Variants in MARCHF10 observed in about 807,000 individuals in gnomAD.
The protein encoded by MARCHF10 is probable E3 ubiquitin-protein ligase MARCHF10.
In MARCHF10, 64 loss-of-function variants were observed where a neutral mutation model predicts 76.2. That is an observed-to-expected ratio of 0.84 (90% confidence interval 0.69 to 1.03). The LOEUF (loss-of-function observed/expected upper bound fraction) is 1.03, where lower values mean the gene tolerates loss of function less well. Ranked by LOEUF, MARCHF10 falls within the 50% of genes least tolerant of loss-of-function variation. The pLI is 0.00. For missense variants in MARCHF10, 875 were observed against 958.0 expected (o/e 0.91, Z 1.14); for synonymous variants, 340 against 357.5 (o/e 0.95, Z 0.55).
intron 5 of MARCHF10, among the ~76,000 whole-genome samples, chr17:62,743,004 A>T (rs1052907165): frequency 2.0e-5 from 3 of 152,244 alleles, no homozygotes; most frequent in Non-Finnish European, 2.9e-5. Context: ...TAAAAAGTTC[A>T]GTGCCCACTG....
chr17:62,746,062 T>C (rs971521103), intron 4 of MARCHF10, among the ~76,000 whole-genome samples: 16 of 152,252 alleles, frequency 1.1e-4, no homozygotes, highest in Admixed American at 2.0e-4. Context: ...ACTGGAGTCA[T>C]GTTCCAGAGT....
Position 62,736,225 on chromosome 17 carries a change from G to A in MARCHF10, c.1643C>T (p.Thr548Ile). ...AGCCCCCTGAGGCTGGCTTGTTAAAGTAGTATCTTCTGCTTCCCTGACAGC... is the reference window on the plus strand; with the variant it reads ...AGCCCCCTGAGGCTGGCTTGTTAAAATAGTATCTTCTGCTTCCCTGACAGC... The part of the protein sequence containing the change: ...EFAVREAEDT[T>I]LTSQPQGAPL... Residue 548 changes from threonine to isoleucine, a missense_variant, in exon 6 of 11, where the codon ACT becomes ATT. Coordinates refer to ENST00000311269, the MANE Select transcript of MARCHF10 (RefSeq NM_152598.4). 1.9e-6 allele frequency: 3 copies of A among 1,614,222 alleles called. No individual in the cohort carries two copies. The highest frequency in any genetic ancestry group is 2.2e-5 in the East Asian group (1 of 44,888).
At chr17:62,710,246 G>A (rs1291365672) in intron 9 of MARCHF10, among the ~76,000 whole-genome samples, 1 of 152,142 alleles carries the variant, frequency 6.6e-6, no homozygotes, top group Non-Finnish European at 1.5e-5. Flanking sequence ...GCAATAAAAA[G>A]TTCATTAAAA....
rs551885410 is a variant in MARCHF10 at position 62,726,511 on chromosome 17, C to T, written c.1938-1407G>A. On this transcript the variant is annotated intron_variant, in intron 6 of 10. Coordinates refer to ENST00000311269, the MANE Select transcript of MARCHF10 (RefSeq NM_152598.4). ...CATTTCAACATAATTTCCATATTTT[C>T]GTAAGTAATCAGGAAGAACATGTGT... Among the ~76,000 whole-genome samples the T allele has an allele frequency of 1.4e-4, 21 of 152,306 alleles. No individual in the cohort carries two copies. The South Asian group carries it at 2.9e-3, about 21-fold the overall frequency.
chr17:62,705,066 A>G, intron 10 of MARCHF10: 26 of 1,021,636 alleles, frequency 2.5e-5, no homozygotes, highest in Non-Finnish European at 2.9e-5. Flanking sequence ...GCTTTGTTCA[A>G]CCTCTGAATT....
chr17:62,719,996 G>A (rs1468590678), intron 8 of MARCHF10, among the ~76,000 whole-genome samples: 1 of 152,138 alleles, frequency 6.6e-6, no homozygotes, highest in African/African-American at 2.4e-5. Context: ...TCATTTGTTA[G>A]AGTTTTTCAC....
At position 62,718,003 on chromosome 17, in the gene MARCHF10, T is replaced by C. The variant is rs1404492818; in HGVS notation, c.2214+4485A>G. ...CACTGATGGACTCTAGGCCAGTCAT[T>C]GGTGCACGTAGCTTTCTCCCCTGAG... On this transcript the variant is annotated intron_variant, in intron 8 of 10. Transcript: ENST00000311269. 2.0e-5 allele frequency among the ~76,000 whole-genome samples: 3 copies of C among 152,142 alleles called. No individual in the cohort carries two copies. In the East Asian group the frequency reaches 5.8e-4, roughly 29 times the overall value.
intron 1 of MARCHF10, among the ~76,000 whole-genome samples, chr17:62,802,377 G>A (rs375777053): frequency 4.5e-4 from 69 of 151,974 alleles, no homozygotes; most frequent in African/African-American, 1.6e-3. Flanking sequence ...CTGCCACCAC[G>A]CCTGGCTAAT....
At chr17:62,764,596 C>T (rs560464957) in intron 3 of MARCHF10, among the ~76,000 whole-genome samples, 2 of 127,644 alleles carry the variant, frequency 1.6e-5, no homozygotes, top group South Asian at 2.9e-4. Flanking sequence ...GATCAAGGGA[C>T]TGTGTGTGCC....
intron 3 of MARCHF10, among the ~76,000 whole-genome samples, chr17:62,787,748 GGATAGATAGATA>G (rs539550748): frequency 2.0e-5 from 3 of 151,492 alleles, no homozygotes; most frequent in Non-Finnish European, 2.9e-5. Flanking sequence ...AAAGATGGAT[GGATAGATAGATA>G]GATAGATAGA....
intron 8 of MARCHF10, among the ~76,000 whole-genome samples, chr17:62,717,311 G>C (rs930268341): frequency 1.3e-5 from 2 of 152,230 alleles, no homozygotes; most frequent in African/African-American, 4.8e-5. Flanking sequence ...CCCACAGGGC[G>C]GGCCTGGCAG....
chr17:62,773,909 G>A (rs1568190813), intron 3 of MARCHF10, among the ~76,000 whole-genome samples: 1 of 152,200 alleles, frequency 6.6e-6, no homozygotes, highest in Non-Finnish European at 1.5e-5. Flanking sequence ...GTGGTCAGTG[G>A]CCTGGATATG....
At chr17:62,766,514 A>G (rs2092335996) in intron 3 of MARCHF10, among the ~76,000 whole-genome samples, 1 of 152,186 alleles carries the variant, frequency 6.6e-6, no homozygotes, top group Non-Finnish European at 1.5e-5. Context: ...AAAGAAAAGA[A>G]AAGAAAAAAA....
chr17:62,755,999 A>T (rs887261362), intron 4 of MARCHF10, among the ~76,000 whole-genome samples: 3 of 152,160 alleles, frequency 2.0e-5, no homozygotes, highest in Non-Finnish European at 4.4e-5. Context: ...CTGTAACCCC[A>T]GTACTCTGGG....
At chr17:62,793,993 C>T (rs1262204994) in intron 2 of MARCHF10, among the ~76,000 whole-genome samples, 1 of 151,514 alleles carries the variant, frequency 6.6e-6, no homozygotes, top group Non-Finnish European at 1.5e-5. Context: ...CCACCACCAC[C>T]ACCTCCATCA....
rs781601917 is a variant in MARCHF10 at position 62,737,028 on chromosome 17, C to A, written c.840G>T (p.Leu280Phe). The A allele has an allele frequency of 2.1e-4, 345 of 1,613,982 alleles. No homozygotes were observed. The highest frequency in any genetic ancestry group is 2.8e-4 in the Non-Finnish European group (336 of 1,180,036). ...RFRDEDFYSI[L>F]SLNSRRESDD... The stretch of plus-strand genomic sequence containing the variant: ...CGCTTTCTCTTCTGCTGTTCAATGA[C>A]AAAATGGAATAAAAGTCTTCATCTC... Residue 280 changes from leucine to phenylalanine, a missense_variant, in exon 6 of 11, where the codon TTG becomes TTT. Coordinates refer to ENST00000311269, the MANE Select transcript of MARCHF10 (RefSeq NM_152598.4).
At chr17:62,801,934 C>G (rs1161053493) in intron 1 of MARCHF10, among the ~76,000 whole-genome samples, 182 bp from the exon 2 acceptor site, 4 of 152,234 alleles carry the variant, frequency 2.6e-5, no homozygotes, top group Non-Finnish European at 5.9e-5. Flanking sequence ...CCCTTACAGT[C>G]CTCCTGTTCC....
At chr17:62,776,757 G>A (rs905409508) in intron 3 of MARCHF10, among the ~76,000 whole-genome samples, 1 of 152,178 alleles carries the variant, frequency 6.6e-6, no homozygotes, top group Non-Finnish European at 1.5e-5. Context: ...GTACAAGTGA[G>A]TCCTGGGTCA....
At chr17:62,757,638 C>A (rs1029095948) in intron 4 of MARCHF10, among the ~76,000 whole-genome samples, 1 of 152,226 alleles carries the variant, frequency 6.6e-6, no homozygotes, top group Non-Finnish European at 1.5e-5. Flanking sequence ...GCAGCAACTG[C>A]CATCCATCAC....
Sources: gnomAD v4.1 joint callset for allele counts (sites outside exome capture counted in the v4.1 genomes callset) on GRCh38, gnomAD v4.1.1 for gene constraint, MANE v1.5 for transcripts, NCBI Gene and HGNC (gene_info 2026-07-23, HGNC 2026-07-21) for gene names.